The following DMXL1 variants were observed in gnomAD, a reference collection of about 807,000 sequenced individuals.
DMXL1 encodes dmX-like protein 1.
A neutral mutation model predicts 319.2 loss-of-function variants in DMXL1; 99 were observed. The observed-to-expected ratio is 0.31, with a 90% confidence interval of 0.26 to 0.37. The LOEUF (loss-of-function observed/expected upper bound fraction) is 0.37. DMXL1 is among the 10% of genes least tolerant of loss of function. The pLI is 1.00. For missense variants in DMXL1, 3,745 were observed against 3,595.6 expected, an observed-to-expected ratio of 1.04 and a Z score of -1.06; for synonymous variants, 1,385 against 1,235.2, an observed-to-expected ratio of 1.12 and a Z score of -2.54.
At chr5:119,198,608 T>C (rs1780088273) in intron 32 of DMXL1, among the ~76,000 whole-genome samples, 1 of 152,094 alleles carries the variant, frequency 6.6e-6, no homozygotes, top group Non-Finnish European at 1.5e-5. Flanking sequence ...CCAACATCAT[T>C]CTTAACAGAA....
At chr5:119,145,173 A>G (rs1768239263) in intron 15 of DMXL1, among the ~76,000 whole-genome samples, 1 of 151,850 alleles carries the variant, frequency 6.6e-6, no homozygotes, top group Non-Finnish European at 1.5e-5. Flanking sequence ...CAAAAATGGC[A>G]TTCTTGAATA....
chr5:119,173,776 G>GTATATATATATATATATA (rs758312462), intron 25 of DMXL1, among the ~76,000 whole-genome samples: 1,733 of 66,940 alleles, frequency 0.026, 136 homozygotes, highest in East Asian at 0.044. Flanking sequence ...ATGTGTGTGT[G>GTATATATATATATATATA]TATATATATA....
At chr5:119,235,195 G>A (rs961166888) in intron 39 of DMXL1, among the ~76,000 whole-genome samples, 1 of 152,082 alleles carries the variant, frequency 6.6e-6, no homozygotes, top group Non-Finnish European at 1.5e-5. Flanking sequence ...CCAAAAGCCA[G>A]TGAATATTTC....
intron 43 of DMXL1, 35 bp from the exon 44 acceptor site, chr5:119,246,960 A>G: frequency 6.7e-7 from 1 of 1,496,140 alleles, no homozygotes; most frequent in South Asian, 1.2e-5. Flanking sequence ...GTCATCATCA[A>G]CCCTAATTTT....
intron 43 of DMXL1, 73 bp downstream of exon 43, chr5:119,244,649 G>A: frequency 9.5e-7 from 1 of 1,056,618 alleles, no homozygotes; most frequent in African/African-American, 1.6e-5. Flanking sequence ...TCGTATTGAT[G>A]ACATCAATCT....
At chr5:119,191,531 T>A (rs1778696963) in intron 29 of DMXL1, among the ~76,000 whole-genome samples, 1 of 152,224 alleles carries the variant, frequency 6.6e-6, no homozygotes, top group Non-Finnish European at 1.5e-5. Context: ...CCTCCATATT[T>A]TGAAGGAGAG....
intron 42 of DMXL1, 64 bp from the exon 43 acceptor site, chr5:119,244,295 A>G: frequency 7.4e-7 from 1 of 1,353,136 alleles, no homozygotes. Flanking sequence ...CACTTTAGCC[A>G]AAAGCCAGAA....
At chr5:119,134,943 G>T (rs1481398786) in intron 13 of DMXL1, among the ~76,000 whole-genome samples, 1 of 152,150 alleles carries the variant, frequency 6.6e-6, no homozygotes, top group African/African-American at 2.4e-5. Context: ...TTTTCTTTTG[G>T]TATCCCCAGA....
At position 119,232,948 on chromosome 5, in the gene DMXL1, T is replaced by C. The variant is rs1019839701; in HGVS notation, c.8339-392T>C. ...AAAACCTTCTTTAATCTGATTTTTTTCAAAGAAAAATGTGTATACATTTAC... is the reference window on the plus strand; with the variant it reads ...AAAACCTTCTTTAATCTGATTTTTTCCAAAGAAAAATGTGTATACATTTAC... On this transcript the variant is annotated intron_variant, in intron 38 of 43. Coordinates refer to ENST00000539542, the MANE Select transcript of DMXL1 (RefSeq NM_001290321.3). Among the ~76,000 whole-genome samples the C allele has an allele frequency of 7.2e-5, 11 of 152,052 alleles. No individual in the cohort carries two copies. The East Asian group carries it at 7.7e-4, about 11-fold the overall frequency.
intron 28 of DMXL1, among the ~76,000 whole-genome samples, chr5:119,185,201 T>G (rs922423622): frequency 1.2e-4 from 18 of 152,028 alleles, no homozygotes; most frequent in African/African-American, 4.3e-4. Context: ...TTTCTGCTCC[T>G]CTACCTCCTT....
intron 13 of DMXL1, among the ~76,000 whole-genome samples, chr5:119,140,809 G>C (rs1162862978): frequency 1.3e-5 from 2 of 151,914 alleles, no homozygotes; most frequent in African/African-American, 4.8e-5. Flanking sequence ...CACACAAAAA[G>C]AAAACTTTAG....
At chr5:119,196,339 A>C (rs6595178) in intron 30 of DMXL1, 32 bp from the exon 31 acceptor site, 1,011,735 of 1,542,804 alleles carry the variant, frequency 0.66, 336,409 homozygotes, top group East Asian at 0.98. Flanking sequence ...CTATAGAAAT[A>C]GTTAACAGAT....
At position 119,220,264 on chromosome 5, in the gene DMXL1, C is replaced by T. The variant is rs185267805; in HGVS notation, c.8014-208C>T. 3.3e-4 allele frequency among the ~76,000 whole-genome samples: 50 copies of T among 152,240 alleles called. No homozygotes were observed. In the Middle Eastern group the frequency reaches 0.014, roughly 41 times the overall value. On this transcript the variant is annotated intron_variant, in intron 35 of 43. Transcript: ENST00000539542. ...AATGCTGCATGTATTGCCATTTATA[C>T]TGGCTTTCTATTGGATGTACTTTTC...
chr5:119,105,131 G>C, intron 3 of DMXL1, 49 bp from the exon 4 acceptor site: 3 of 1,204,862 alleles, frequency 2.5e-6, no homozygotes, highest in African/African-American at 3.0e-5. Context: ...ACATTTGACA[G>C]AGAAAATATG....
intron 36 of DMXL1, among the ~76,000 whole-genome samples, 154 bp from the exon 37 acceptor site, chr5:119,220,786 T>C (rs1216761494): frequency 1.3e-5 from 2 of 152,110 alleles, no homozygotes; most frequent in African/African-American, 4.8e-5. Flanking sequence ...GGAACAGAAA[T>C]TGTTGAGGTA....
rs190673530 is a variant in DMXL1, at chr5:119,132,962, A to G, written c.1316-170A>G. 1.0e-4 allele frequency: 68 copies of G among 648,524 alleles called. No individual in the cohort carries two copies. The East Asian group carries it at 1.8e-3, about 17-fold the overall frequency. 40.2% of individuals were successfully genotyped at this position (648,524 alleles called of 1,614,324 possible). On this transcript the variant is annotated intron_variant, in intron 10 of 43. Transcript: ENST00000539542. ...TTACTTAAAGTATATTGCAAAGAATACGGATAAAGAGATGTGTAGGGTGAG... is the reference window on the plus strand; with the variant it reads ...TTACTTAAAGTATATTGCAAAGAATGCGGATAAAGAGATGTGTAGGGTGAG...
intron 10 of DMXL1, chr5:119,132,789 C>T: frequency 1.8e-6 from 1 of 547,874 alleles, no homozygotes; most frequent in South Asian, 1.4e-5. Context: ...ATTTGAACTA[C>T]TTGGTAGGTG....
chr5:119,223,060 T>G (rs948100856), intron 37 of DMXL1, among the ~76,000 whole-genome samples: 4 of 149,090 alleles, frequency 2.7e-5, no homozygotes, highest in African/African-American at 9.8e-5. Flanking sequence ...TAGTTGTGTT[T>G]TTTTTTTTTT....
chr5:119,133,479 C>G lies in DMXL1; in HGVS notation c.1570-15C>G. On this transcript the variant is annotated splice_polypyrimidine_tract_variant and intron_variant, in intron 11 of 43. Coordinates refer to ENST00000539542, the MANE Select transcript of DMXL1 (RefSeq NM_001290321.3). ...ATAATTTTATATGTTCTAACACTTG[C>G]TTTCTTGATTCTAGGTGTCCTTTGT... is the stretch of plus-strand genomic sequence containing the variant. The G allele has an allele frequency of 2.5e-6, 4 of 1,591,924 alleles. No individual in the cohort carries two copies. The South Asian group carries it at 4.6e-5, about 18-fold the overall frequency.
Sources: gnomAD v4.1 joint callset for allele counts (sites outside exome capture counted in the v4.1 genomes callset) on GRCh38, gnomAD v4.1.1 for gene constraint, MANE v1.5 for transcripts, NCBI Gene and HGNC (gene_info 2026-07-23, HGNC 2026-07-21) for gene names.